Variants in WWOX observed in about 807,000 individuals in gnomAD.
The protein encoded by WWOX is WW domain-containing oxidoreductase.
A neutral mutation model predicts 46.2 loss-of-function variants in WWOX; 69 were observed. That is an observed-to-expected ratio of 1.49 (90% confidence interval 1.23 to 1.82). WWOX has a LOEUF of 1.82. Among genes scored for constraint, WWOX ranks in the 40% most tolerant of loss-of-function variants. The pLI, the probability that WWOX is intolerant of heterozygous loss-of-function variation, is 0.00. For synonymous variants in WWOX, 359 were observed against 202.6 expected, an observed-to-expected ratio of 1.77 and a Z score of -6.56; for missense variants, 919 against 542.6, an observed-to-expected ratio of 1.69 and a Z score of -6.89.
At chr16:79,209,252 C>T (rs1036786165) in intron 8 of WWOX, among the ~76,000 whole-genome samples, 2 of 152,144 alleles carry the variant, frequency 1.3e-5, no homozygotes, top group Admixed American at 6.5e-5. Flanking sequence ...AAGGTAGGTC[C>T]CCAGCTCCTG....
intron 8 of WWOX, among the ~76,000 whole-genome samples, chr16:79,012,754 C>G (rs1200702112): frequency 6.6e-6 from 1 of 152,228 alleles, no homozygotes; most frequent in Non-Finnish European, 1.5e-5. Flanking sequence ...CCCCTGGTGG[C>G]CAGCCAGCCC....
chr16:78,522,516 G>A (rs957898625), intron 8 of WWOX, among the ~76,000 whole-genome samples: 1 of 152,142 alleles, frequency 6.6e-6, no homozygotes, highest in Admixed American at 6.5e-5. Context: ...TTCAGAAGCT[G>A]TCATATGACC....
chr16:78,102,910 G>A (rs1185204626), intron 1 of WWOX, among the ~76,000 whole-genome samples: 1 of 152,178 alleles, frequency 6.6e-6, no homozygotes, highest in East Asian at 1.9e-4. Flanking sequence ...CTGGGCCCCA[G>A]AGTACAAAGA....
At chr16:79,206,278 C>G (rs1462307869) in intron 8 of WWOX, 1 of 152,200 alleles carries the variant, frequency 6.6e-6, no homozygotes, top group Non-Finnish European at 1.5e-5. Context: ...AAGCCGGAGC[C>G]CCGTGGAAGA....
At chr16:78,709,914 A>G (rs1340061577) in intron 8 of WWOX, among the ~76,000 whole-genome samples, 1 of 151,956 alleles carries the variant, frequency 6.6e-6, no homozygotes, top group Admixed American at 6.6e-5. Context: ...TATTTTTGGT[A>G]GAGATGGGGT....
At chr16:79,125,418 G>A (rs565530302) in intron 8 of WWOX, among the ~76,000 whole-genome samples, 1 of 152,214 alleles carries the variant, frequency 6.6e-6, no homozygotes, top group Non-Finnish European at 1.5e-5. Flanking sequence ...CCTTTGAAGA[G>A]AGTGCATTAT....
At chr16:78,398,524 C>T (rs965381000) in intron 6 of WWOX, among the ~76,000 whole-genome samples, 1 of 152,172 alleles carries the variant, frequency 6.6e-6, no homozygotes, top group African/African-American at 2.4e-5. Context: ...TGCTCTTACC[C>T]GGGCACCACA....
chr16:79,084,897 C>A (rs1176160153), intron 8 of WWOX, among the ~76,000 whole-genome samples: 1 of 152,156 alleles, frequency 6.6e-6, no homozygotes, highest in East Asian at 1.9e-4. Flanking sequence ...GTCACCCTGT[C>A]TAGGTATTAA....
chr16:78,289,651 C>A (rs146241915), intron 5 of WWOX, among the ~76,000 whole-genome samples: 1 of 152,272 alleles, frequency 6.6e-6, no homozygotes, highest in East Asian at 1.9e-4. Flanking sequence ...GAATAAGAGA[C>A]CTAAGTTTAT....
chr16:78,702,120 A>ATATATATATATATATATATATATTTATT lies in WWOX; in HGVS notation c.1056+269371_1056+269372insATATATATATATATATATATTTATTTAT, dbSNP rs1207718237. ...TAAAGTTATATATATATATATATAT[A>ATATATATATATATATATATATATTTATT]TATTTATTTATTTTCAAGACATGGT... On this transcript the variant is annotated intron_variant, in intron 8 of 8. Transcript: ENST00000566780. 1.4e-3 allele frequency among the ~76,000 whole-genome samples: 186 copies of ATATATATATATATATATATATATTTATT among 130,000 alleles called. 1 individual carries two copies. The highest frequency in any genetic ancestry group is 5.9e-3 in the African/African-American group (179 of 30,250). The allele number at this position is 130,000 out of a possible 152,430, so 85.3% of individuals were successfully genotyped here.
rs139669593 is a variant in WWOX at position 78,613,467 on chromosome 16, A to G, written c.1056+180715A>G. Among the ~76,000 whole-genome samples the G allele has an allele frequency of 4.3e-3, 649 of 152,242 alleles. 29 individuals are homozygous for G. The highest frequency in any genetic ancestry group is 0.038 in the Admixed American group (583 of 15,284). On this transcript the variant is annotated intron_variant, in intron 8 of 8. Transcript: ENST00000566780. ...ATCTGGGAAACCTACCTCTGGCAGA[A>G]TCGCTGTCCTGCCAGTTTCCTCTCC...
rs35326105 is a variant in WWOX at position 78,536,901 on chromosome 16, C to CTT, written c.1056+104168_1056+104169dup. On this transcript the variant is annotated intron_variant, in intron 8 of 8. Coordinates refer to ENST00000566780, the MANE Select transcript of WWOX (RefSeq NM_016373.4). ...GTATGTGCTGGTTGCAGAGCCAAGT[C>CTT]TTTTTTTTTTTTTTTTTTTTCCTCC... Among the ~76,000 whole-genome samples the CTT allele has an allele frequency of 1.1e-3, 129 of 120,042 alleles. 1 individual carries two copies. The highest frequency in any genetic ancestry group is 3.6e-3 in the African/African-American group (117 of 32,326). 78.8% of individuals were successfully genotyped at this position (120,042 alleles called of 152,430 possible).
At chr16:78,550,467 G>C (rs1256079732) in intron 8 of WWOX, among the ~76,000 whole-genome samples, 1 of 152,170 alleles carries the variant, frequency 6.6e-6, no homozygotes, top group Admixed American at 6.5e-5. Context: ...TTAGCTTGTG[G>C]GTTGTAGTTT....
At chr16:78,592,507 A>G (rs1450774013) in intron 8 of WWOX, among the ~76,000 whole-genome samples, 1 of 152,214 alleles carries the variant, frequency 6.6e-6, no homozygotes, top group East Asian at 1.9e-4. Context: ...GGACTCGCAG[A>G]GAATCAGGTG....
chr16:78,975,932 C>A (rs1374310470), intron 8 of WWOX, among the ~76,000 whole-genome samples: 1 of 152,188 alleles, frequency 6.6e-6, no homozygotes, highest in East Asian at 1.9e-4. Context: ...CTTTGCCCTG[C>A]CACCCTCCAT....
intron 8 of WWOX, among the ~76,000 whole-genome samples, chr16:78,955,984 C>CA (rs1348482345): frequency 1.4e-5 from 2 of 147,792 alleles, no homozygotes; most frequent in South Asian, 4.3e-4. Context: ...AAACAAAAAA[C>CA]AAAAAACAAA....
chr16:78,522,956 C>G (rs1445950476), intron 8 of WWOX, among the ~76,000 whole-genome samples: 2 of 152,184 alleles, frequency 1.3e-5, no homozygotes, highest in Non-Finnish European at 2.9e-5. Flanking sequence ...CCTGTAATCC[C>G]AGCTACCTGG....
At chr16:78,907,626 C>T (rs1429688165) in intron 8 of WWOX, among the ~76,000 whole-genome samples, 1 of 152,214 alleles carries the variant, frequency 6.6e-6, no homozygotes, top group Non-Finnish European at 1.5e-5. Flanking sequence ...GATCAGATCT[C>T]TTTCACGGTC....
intron 8 of WWOX, among the ~76,000 whole-genome samples, chr16:78,457,857 A>T (rs979602045): frequency 6.8e-6 from 1 of 147,466 alleles, no homozygotes; most frequent in African/African-American, 2.6e-5. Context: ...CGGAGCTTTC[A>T]GTGAGCCAAG....
Sources: allele counts gnomAD v4.1 joint callset (sites outside exome capture counted in the v4.1 genomes callset), GRCh38; gene constraint gnomAD v4.1.1; transcripts MANE v1.5; gene names NCBI Gene and HGNC (gene_info 2026-07-23, HGNC 2026-07-21).